The following TMEM132D variants were observed in gnomAD, a reference collection of about 807,000 sequenced individuals.
TMEM132D encodes mature OL transmembrane protein.
In TMEM132D, 21 loss-of-function variants were observed where a neutral mutation model predicts 62.3. That is an observed-to-expected ratio of 0.34 (90% CI 0.24 to 0.49). TMEM132D has a LOEUF of 0.49. Among genes scored for constraint, TMEM132D ranks in the 20% least tolerant of loss-of-function variants. The pLI is 0.99. For synonymous variants in TMEM132D, 621 were observed against 575.6 expected (o/e 1.08, Z -1.13); for missense variants, 1,346 against 1,402.8 (o/e 0.96, Z 0.65).
At chr12:129,436,067 T>C (rs1190994407) in intron 3 of TMEM132D, among the ~76,000 whole-genome samples, 1 of 152,166 alleles carries the variant, frequency 6.6e-6, no homozygotes, top group Non-Finnish European at 1.5e-5. Flanking sequence ...TCCCCTTTCT[T>C]CCTGTCTGAA....
chr12:129,573,010 A>G (rs1175996653), intron 2 of TMEM132D, among the ~76,000 whole-genome samples: 1 of 152,210 alleles, frequency 6.6e-6, no homozygotes, highest in East Asian at 1.9e-4. Context: ...GACACATTGA[A>G]AAGATGTTAC....
intron 3 of TMEM132D, among the ~76,000 whole-genome samples, chr12:129,478,448 C>A (rs1265245340): frequency 6.6e-6 from 1 of 152,200 alleles, no homozygotes; most frequent in Non-Finnish European, 1.5e-5. Flanking sequence ...TTGACAGAAG[C>A]ATCACTATGC....
chr12:129,523,519 TC>T (rs781743275), intron 3 of TMEM132D, among the ~76,000 whole-genome samples: 63 of 152,300 alleles, frequency 4.1e-4, no homozygotes, highest in Admixed American at 1.4e-3. Context: ...ACTCTGGAGA[TC>T]CTATCAAAAA....
At chr12:129,772,343 C>A (rs572897053) in intron 1 of TMEM132D, among the ~76,000 whole-genome samples, 1 of 152,022 alleles carries the variant, frequency 6.6e-6, no homozygotes, top group Non-Finnish European at 1.5e-5. Flanking sequence ...CAAACTGTAT[C>A]TTTTTAATTT....
intron 1 of TMEM132D, among the ~76,000 whole-genome samples, chr12:129,897,608 C>T (rs12813749): frequency 0.057 from 8,598 of 152,174 alleles, 346 homozygotes; most frequent in African/African-American, 0.12. Flanking sequence ...AGGAGATAAC[C>T]AAACCATTCC....
At chr12:129,478,740 T>C (rs565464352) in intron 3 of TMEM132D, among the ~76,000 whole-genome samples, 1 of 152,292 alleles carries the variant, frequency 6.6e-6, no homozygotes, top group South Asian at 2.1e-4. Context: ...TGGAATGTGC[T>C]CTGATCCCCT....
At chr12:129,737,486 G>A (rs1482164564) in intron 1 of TMEM132D, among the ~76,000 whole-genome samples, 1 of 152,146 alleles carries the variant, frequency 6.6e-6, no homozygotes, top group Non-Finnish European at 1.5e-5. Context: ...TTCCACTGCT[G>A]TATAAATTGG....
At chr12:129,341,671 A>C (rs1485698414) in intron 3 of TMEM132D, among the ~76,000 whole-genome samples, 4 of 152,248 alleles carry the variant, frequency 2.6e-5, no homozygotes, top group Non-Finnish European at 1.5e-5. Flanking sequence ...TAGCTGGAGA[A>C]AAAAGACATT....
intron 3 of TMEM132D, among the ~76,000 whole-genome samples, chr12:129,472,005 T>C (rs1221621233): frequency 6.6e-6 from 1 of 152,210 alleles, no homozygotes; most frequent in Non-Finnish European, 1.5e-5. Flanking sequence ...ACTGTCTCCA[T>C]GACATAAAAG....
chr12:129,368,089 G>A (rs906226937), intron 3 of TMEM132D, among the ~76,000 whole-genome samples: 1 of 152,018 alleles, frequency 6.6e-6, no homozygotes, highest in Non-Finnish European at 1.5e-5. Context: ...CACAGAGCCT[G>A]GTCTCTTTTT....
chr12:129,193,493 T>G (rs768221987), intron 5 of TMEM132D, among the ~76,000 whole-genome samples: 23 of 152,232 alleles, frequency 1.5e-4, no homozygotes, highest in Non-Finnish European at 3.2e-4. Flanking sequence ...ACAAATCCCT[T>G]GACCCATAGT....
At chr12:129,370,865 G>C (rs1389619407) in intron 3 of TMEM132D, among the ~76,000 whole-genome samples, 1 of 152,180 alleles carries the variant, frequency 6.6e-6, no homozygotes, top group Admixed American at 6.5e-5. Context: ...ATAGTCACAT[G>C]GGGCTGGAAA....
intron 3 of TMEM132D, among the ~76,000 whole-genome samples, chr12:129,452,308 T>C (rs764665537): frequency 1.3e-5 from 2 of 152,364 alleles, no homozygotes; most frequent in East Asian, 3.9e-4. Context: ...ATGAACGTAC[T>C]TGGGTTTGGC....
At chr12:129,752,849 CACTT>C in intron 1 of TMEM132D, among the ~76,000 whole-genome samples, 1 of 152,142 alleles carries the variant, frequency 6.6e-6, no homozygotes, top group Non-Finnish European at 1.5e-5. Flanking sequence ...CAGATGGGAC[CACTT>C]ACTACTTGGC....
At chr12:129,457,556 T>C (rs917355833) in intron 3 of TMEM132D, among the ~76,000 whole-genome samples, 2 of 151,516 alleles carry the variant, frequency 1.3e-5, no homozygotes, top group African/African-American at 2.4e-5. Context: ...CAAACCTGCA[T>C]GTTGTGCACA....
intron 5 of TMEM132D, among the ~76,000 whole-genome samples, chr12:129,197,558 C>T (rs536589116): frequency 1.1e-4 from 16 of 152,240 alleles, no homozygotes; most frequent in African/African-American, 1.7e-4. Flanking sequence ...ACAGTCTCTT[C>T]GATAAATGGC....
intron 5 of TMEM132D, among the ~76,000 whole-genome samples, chr12:129,134,033 C>T (rs1876461289): frequency 6.6e-6 from 1 of 151,792 alleles, no homozygotes; most frequent in African/African-American, 2.4e-5. Context: ...ATATCCCCAG[C>T]AATACCTGAA....
At chr12:129,298,602 C>T (rs1439543375) in intron 4 of TMEM132D, among the ~76,000 whole-genome samples, 1 of 152,212 alleles carries the variant, frequency 6.6e-6, no homozygotes, top group Non-Finnish European at 1.5e-5. Flanking sequence ...ACCAGCCTCT[C>T]CCCATCCACC....
At chr12:129,850,346 G>A (rs574425086) in intron 1 of TMEM132D, among the ~76,000 whole-genome samples, 26 of 152,286 alleles carry the variant, frequency 1.7e-4, no homozygotes, top group Non-Finnish European at 2.2e-4. Context: ...TAACAAATGT[G>A]TCTTTGACTG....
Sources: gnomAD v4.1 joint callset for allele counts (sites outside exome capture counted in the v4.1 genomes callset) on GRCh38, gnomAD v4.1.1 for gene constraint, MANE v1.5 for transcripts, NCBI Gene and HGNC (gene_info 2026-07-23, HGNC 2026-07-21) for gene names.